SPATC1: variants seen among roughly 807,000 people sequenced by gnomAD.
SPATC1 encodes speriolin.
SPATC1 carries 35 observed loss-of-function variants against 36.5 expected under a neutral mutation model. The ratio of observed to expected loss-of-function variants is 0.96; its 90% CI spans 0.73 to 1.27. The LOEUF (loss-of-function observed/expected upper bound fraction) is 1.27. Among genes scored for constraint, SPATC1 ranks in the 50% most tolerant of loss-of-function variants. The probability of loss-of-function intolerance (pLI) is 0.00; values close to 1 mark genes in which losing one functional copy is unlikely to be tolerated. For synonymous variants in SPATC1, 361 were observed against 353.6 expected (o/e 1.02, Z -0.24); for missense variants, 779 against 796.0 (o/e 0.98, Z 0.26).
intron 1 of SPATC1, among the ~76,000 whole-genome samples, chr8:144,023,272 A>AG (rs1248665534): frequency 0.04 from 27 of 680 alleles, 13 homozygotes; most frequent in Non-Finnish European, 0.044. Flanking sequence ...TTCTCCCCTC[A>AG]GACCATCCCA....
intron 1 of SPATC1, among the ~76,000 whole-genome samples, chr8:144,015,998 C>T (rs1204494464): frequency 2.8e-5 from 4 of 142,874 alleles, no homozygotes; most frequent in Non-Finnish European, 6.1e-5. Context: ...GGAGGCGGAG[C>T]TTGCAGTGAG....
chr8:144,043,678 G>A (rs1378968926), intron 4 of SPATC1, among the ~76,000 whole-genome samples: 2 of 150,858 alleles, frequency 1.3e-5, no homozygotes, highest in African/African-American at 4.9e-5. Flanking sequence ...ACTGGCCTAT[G>A]GACTACATTT....
Position 144,012,484 on chromosome 8 carries a change from C to T in SPATC1, c.-32C>T, listed in dbSNP as rs782196936. Reference sequence around the variant, plus strand: ...GCAGCCTCCAGGTGCAGTGCCCTCCCGTGGGCCGCACCCTTGCCACTGCCC... The same window carrying T: ...GCAGCCTCCAGGTGCAGTGCCCTCCTGTGGGCCGCACCCTTGCCACTGCCC... On this transcript the variant is annotated 5_prime_UTR_variant, in exon 1 of 5. Coordinates refer to ENST00000377470, the MANE Select transcript of SPATC1 (RefSeq NM_198572.3). The T allele has an allele frequency of 9.7e-6, 15 of 1,544,672 alleles. No homozygotes were observed. The highest frequency in any genetic ancestry group is 2.7e-5 in the African/African-American group (2 of 72,888).
chr8:144,040,470 G>T lies in SPATC1; in HGVS notation c.766+7G>T. The T allele has an allele frequency of 6.3e-7, 1 of 1,583,838 alleles. No individual in the cohort carries two copies. The highest frequency in any genetic ancestry group is 8.6e-7 in the Non-Finnish European group (1 of 1,164,854). ...CCCACTGCCACCACCAAAGGTAACA[G>T]GTGTGGTGGGTGGTGGGTGGCAGAG... On this transcript the variant is annotated splice_region_variant and intron_variant, in intron 2 of 4. Transcript: ENST00000377470.
At position 144,040,167 on chromosome 8, in the gene SPATC1, T is replaced by G. The variant is rs868929175; in HGVS notation, c.470T>G (p.Leu157Arg). The stretch of plus-strand genomic sequence containing the variant: ...CTAACAGGCACACTGGCCAGTTCCC[T>G]GGGCCTGCCCTCCACTGGCACCCTG... ...GPLTGTLASS[L>R]GLPSTGTLTP... The change falls in exon 2 of 5, where the codon CTG (leucine) becomes CGG (arginine). Residue 157 changes from leucine to arginine, a missense_variant. Coordinates refer to ENST00000377470, the MANE Select transcript of SPATC1 (RefSeq NM_198572.3). The G allele has an allele frequency of 6.2e-7, 1 of 1,610,230 alleles. No individual in the cohort carries two copies. The highest frequency in any genetic ancestry group is 8.5e-7 in the Non-Finnish European group (1 of 1,179,088).
At chr8:144,044,304 AT>A (rs72275831) in intron 4 of SPATC1, among the ~76,000 whole-genome samples, 76,827 of 141,458 alleles carry the variant, frequency 0.54, 22,720 homozygotes, top group African/African-American at 0.82. Context: ...CCTTGAAGGA[AT>A]TTTTTTTTTT....
chr8:144,016,968 C>T lies in SPATC1; in HGVS notation c.211+4242C>T, dbSNP rs1834406771. ...CTGGTGGTTTGTAACAGAGAATAAT[C>T]ATGTTTGTGCTTCAGAAACGTTACC... is the stretch of plus-strand genomic sequence containing the variant. On this transcript the variant is annotated intron_variant, in intron 1 of 4. Transcript: ENST00000377470. This position sits in a 1 kb window ranked among gnomAD's most constrained non-coding sequence, Gnocchi z 4.5. Among the ~76,000 whole-genome samples the T allele has an allele frequency of 6.6e-6, 1 of 152,154 alleles. No individual in the cohort carries two copies. Among genetic ancestry groups the T allele is most frequent in the South Asian group, 2.1e-4 (1 of 4,828 alleles).
Position 144,046,331 on chromosome 8 carries a change from TG to T in SPATC1, c.1447-294del, listed in dbSNP as rs1835260041. ...GCCTCAGCCCAGTTGCACTCCCTGG[TG>T]GTGCGTGGAGCAGACGACAGGGTTG... is the stretch of plus-strand genomic sequence containing the variant. On this transcript the variant is annotated intron_variant, in intron 4 of 4. Coordinates refer to ENST00000377470, the MANE Select transcript of SPATC1 (RefSeq NM_198572.3). This position sits in a 1 kb window ranked among gnomAD's most constrained non-coding sequence, Gnocchi z 6.6. 1.3e-5 allele frequency among the ~76,000 whole-genome samples: 2 copies of T among 152,102 alleles called. No individual in the cohort carries two copies. The highest frequency in any genetic ancestry group is 6.5e-5 in the Admixed American group (1 of 15,280).
rs139669076 is a variant in SPATC1 at position 144,017,017 on chromosome 8, T to A, written c.211+4291T>A. Among the ~76,000 whole-genome samples, 747 of 152,162 alleles carry A rather than the reference T, an allele frequency of 4.9e-3. 5 individuals carry two copies. Among genetic ancestry groups the A allele is most frequent in the South Asian group, 0.013 (62 of 4,804 alleles). Reference sequence around the variant, plus strand: ...CCCCAGATGCTATGGGGGAAATGGATTGGAGGGAGAGTAGACTGAGACAGG... The same window carrying A: ...CCCCAGATGCTATGGGGGAAATGGAATGGAGGGAGAGTAGACTGAGACAGG... On this transcript the variant is annotated intron_variant, in intron 1 of 4. Coordinates refer to ENST00000377470, the MANE Select transcript of SPATC1 (RefSeq NM_198572.3).
Position 144,040,423 on chromosome 8 carries a change from C to T in SPATC1, c.726C>T (p.Pro242=). 5 of 1,608,324 alleles carry T rather than the reference C, an allele frequency of 3.1e-6. No homozygotes were observed. Among genetic ancestry groups the T allele is most frequent in the Non-Finnish European group, 4.2e-6 (5 of 1,178,038 alleles). The part of the protein sequence containing the change: ...AEPLRGGPTG[P]QSPACVVPTA... ...CACTCCGCGGAGGCCCCACTGGGCC[C>T]CAGTCCCCAGCTTGCGTGGTACCCA... is the stretch of plus-strand genomic sequence containing the variant. The change falls in exon 2 of 5, where the codon CCC becomes CCT. Residue 242 remains proline (P), a synonymous_variant. Transcript: ENST00000377470.
intron 4 of SPATC1, among the ~76,000 whole-genome samples, chr8:144,044,259 T>C (rs548226575): frequency 3.6e-4 from 55 of 151,826 alleles, no homozygotes; most frequent in African/African-American, 1.3e-3. Context: ...CTTGGCCTCA[T>C]AGTTGAGCAT....
chr8:144,026,821 T>G (rs1400443295), intron 1 of SPATC1, among the ~76,000 whole-genome samples: 1 of 148,874 alleles, frequency 6.7e-6, no homozygotes, highest in Non-Finnish European at 1.5e-5. Context: ...TTTTTTTTTT[T>G]TTTTGAGACG....
At chr8:144,026,987 C>CTTTTTTTTTT (rs1169014232) in intron 1 of SPATC1, among the ~76,000 whole-genome samples, 660 of 114,198 alleles carry the variant, frequency 5.8e-3, no homozygotes, top group Non-Finnish European at 7.0e-3. Flanking sequence ...TTTTTTTTTT[C>CTTTTTTTTTT]TTTTTTTTTT....
intron 1 of SPATC1, among the ~76,000 whole-genome samples, chr8:144,018,606 G>C: frequency 6.6e-6 from 1 of 152,216 alleles, no homozygotes; most frequent in South Asian, 2.1e-4. Context: ...AGAAGGGAAG[G>C]AGGAAGGAGA....
intron 1 of SPATC1, among the ~76,000 whole-genome samples, chr8:144,021,395 G>A (rs1388546919): frequency 4.1e-5 from 4 of 98,040 alleles, no homozygotes; most frequent in African/African-American, 1.1e-4. Context: ...CTCTCTCCTC[G>A]GGACCTTCCC....
chr8:144,020,126 C>T lies in SPATC1; in HGVS notation c.211+7400C>T, dbSNP rs1019818577. On this transcript the variant is annotated intron_variant, in intron 1 of 4. Transcript: ENST00000377470. ...CTCTACCCCACAAGAAACACGTTCC[C>T]GCTCAAGATCTGTCCCTCCCTACTC... is the stretch of plus-strand genomic sequence containing the variant. Among the ~76,000 whole-genome samples the T allele has an allele frequency of 2.8e-4, 42 of 151,166 alleles. 1 individual carries two copies. Among genetic ancestry groups the T allele is most frequent in the African/African-American group, 8.5e-4 (35 of 41,038 alleles).
In SPATC1 at chr8:144,041,380, C is replaced by G; in HGVS notation, c.1446+9C>G. 6.2e-7 allele frequency: 1 copy of G among 1,605,872 alleles called. No homozygotes were observed. ...CAGAGAAGATCATCCAGGTGTGCGG[C>G]CAGGGGTCCTGCAGGGACAGGGGGC... On this transcript the variant is annotated intron_variant, in intron 4 of 4. Coordinates refer to ENST00000377470, the MANE Select transcript of SPATC1 (RefSeq NM_198572.3).
At chr8:144,022,644 T>C (rs1323365860) in intron 1 of SPATC1, among the ~76,000 whole-genome samples, 45 of 105,144 alleles carry the variant, frequency 4.3e-4, no homozygotes, top group African/African-American at 1.1e-3. Context: ...ACTTCAGGTC[T>C]CTCTCCCCTC....
intron 1 of SPATC1, among the ~76,000 whole-genome samples, chr8:144,023,573 G>A (rs1170277684): frequency 2.0e-5 from 2 of 102,184 alleles, no homozygotes; most frequent in East Asian, 2.6e-4. Flanking sequence ...TTCCCCTCAC[G>A]ACCTTTCCTA....
Sources: allele counts gnomAD v4.1 joint callset (sites outside exome capture counted in the v4.1 genomes callset), GRCh38; gene constraint gnomAD v4.1.1; non-coding constraint Gnocchi (gnomAD v3.1); transcripts MANE v1.5; gene names NCBI Gene and HGNC (gene_info 2026-07-23, HGNC 2026-07-21).